The following PRKCA variants were observed in gnomAD, a reference collection of about 807,000 sequenced individuals.
PRKCA encodes the protein protein kinase C alpha, also known as protein kinase C alpha type.
A neutral mutation model predicts 87.0 loss-of-function variants in PRKCA; 27 were observed. The observed-to-expected ratio is 0.31, with a 90% confidence interval of 0.23 to 0.43. The LOEUF (loss-of-function observed/expected upper bound fraction) is 0.43. Among genes scored for constraint, PRKCA ranks in the 20% least tolerant of loss-of-function variants. The pLI, the probability that PRKCA is intolerant of heterozygous loss-of-function variation, is 1.00. For synonymous variants in PRKCA, 329 were observed against 311.1 expected (o/e 1.06, Z -0.61); for missense variants, 518 against 852.3 (o/e 0.61, Z 4.88).
intron 3 of PRKCA, among the ~76,000 whole-genome samples, chr17:66,505,120 G>A (rs1158736996): frequency 6.6e-6 from 1 of 152,188 alleles, no homozygotes; most frequent in Admixed American, 6.5e-5. Context: ...TCTTCAGTGG[G>A]TGGATTATTT....
At chr17:66,503,513 T>C in intron 3 of PRKCA, among the ~76,000 whole-genome samples, 1 of 152,152 alleles carries the variant, frequency 6.6e-6, no homozygotes, top group Non-Finnish European at 1.5e-5. Flanking sequence ...ATAAAACTGA[T>C]CTATTTGAAG....
chr17:66,304,313 G>A (rs1468799329), intron 1 of PRKCA, among the ~76,000 whole-genome samples: 1 of 152,142 alleles, frequency 6.6e-6, no homozygotes, highest in African/African-American at 2.4e-5. Context: ...CCAGATCCCC[G>A]TCACCACACA....
chr17:66,441,194 T>C (rs1913733057), intron 2 of PRKCA, among the ~76,000 whole-genome samples: 1 of 135,306 alleles, frequency 7.4e-6, no homozygotes, highest in Non-Finnish European at 1.6e-5. Context: ...AAAAAGTAAA[T>C]TAGCTAGGCA....
chr17:66,490,943 G>A (rs1348630332), intron 2 of PRKCA, among the ~76,000 whole-genome samples: 2 of 152,136 alleles, frequency 1.3e-5, no homozygotes, highest in Non-Finnish European at 2.9e-5. Context: ...ATATACTTTC[G>A]ACAAGTGGTG....
intron 2 of PRKCA, among the ~76,000 whole-genome samples, chr17:66,374,719 C>CTTTTTTTTTTTTTTTTTTT (rs35431248): frequency 8.6e-6 from 1 of 115,826 alleles, no homozygotes. Flanking sequence ...GAGTTGCATT[C>CTTTTTTTTTTTTTTTTTTT]TTTTTTTTTT....
chr17:66,723,764 CA>C (rs376396348), intron 8 of PRKCA, among the ~76,000 whole-genome samples: 1 of 152,254 alleles, frequency 6.6e-6, no homozygotes, highest in African/African-American at 2.4e-5. Context: ...CAGCATAGTC[CA>C]GGGACACAGT....
intron 2 of PRKCA, among the ~76,000 whole-genome samples, chr17:66,409,969 C>T (rs959786692): frequency 2.6e-5 from 4 of 152,156 alleles, no homozygotes; most frequent in African/African-American, 4.8e-5. Context: ...GTTAGTAGAT[C>T]GTGCTGGTCT....
At chr17:66,607,731 G>A (rs148116135) in intron 3 of PRKCA, among the ~76,000 whole-genome samples, 3 of 152,244 alleles carry the variant, frequency 2.0e-5, no homozygotes, top group African/African-American at 7.2e-5. Flanking sequence ...GGTAGAGTGT[G>A]GGGGGCCGGG....
chr17:66,592,547 A>G (rs1008999797), intron 3 of PRKCA, among the ~76,000 whole-genome samples: 14 of 152,174 alleles, frequency 9.2e-5, no homozygotes, highest in Non-Finnish European at 1.5e-4. Flanking sequence ...CCAAGGAATC[A>G]CAGACTTCAT....
intron 2 of PRKCA, among the ~76,000 whole-genome samples, chr17:66,366,569 A>G (rs1450929264): frequency 6.6e-6 from 1 of 152,012 alleles, no homozygotes. Context: ...TAGTTGTAGA[A>G]AATTTGTCAA....
At chr17:66,372,397 A>G (rs544978508) in intron 2 of PRKCA, among the ~76,000 whole-genome samples, 76 of 152,214 alleles carry the variant, frequency 5.0e-4, no homozygotes, top group African/African-American at 1.6e-3. Flanking sequence ...TTTTGATTTC[A>G]TAGGTAATTG....
At chr17:66,776,700 G>A (rs571791678) in intron 14 of PRKCA, among the ~76,000 whole-genome samples, 90 of 152,292 alleles carry the variant, frequency 5.9e-4, no homozygotes, top group African/African-American at 1.5e-3. Context: ...GGGCCAAGCC[G>A]GCGACTTGAG....
chr17:66,496,321 G>T, intron 3 of PRKCA, 38 bp downstream of exon 3: 1 of 1,553,184 alleles, frequency 6.4e-7, no homozygotes. Context: ...TGTCAATGTG[G>T]ATTTCTGAGC....
rs1014167526 is a variant in PRKCA, at chr17:66,689,895, G to A, written c.918+848G>A. Among the ~76,000 whole-genome samples the A allele has an allele frequency of 2.6e-5, 4 of 152,206 alleles. No homozygotes were observed. Among genetic ancestry groups the A allele is most frequent in the Admixed American group, 2.6e-4 (4 of 15,284 alleles). On this transcript the variant is annotated intron_variant, in intron 8 of 16. Transcript: ENST00000413366. The surrounding 1 kb of genome is among the most constrained non-coding windows in gnomAD (Gnocchi z 4.1). Reference sequence around the variant, plus strand: ...GTGAATCTTTCTCTTCTTCAGACTTGTTAGAATTCCCTGGAATTTCCCCGC... The same window carrying A: ...GTGAATCTTTCTCTTCTTCAGACTTATTAGAATTCCCTGGAATTTCCCCGC...
chr17:66,580,106 G>A (rs943478546), intron 3 of PRKCA, among the ~76,000 whole-genome samples: 51 of 152,304 alleles, frequency 3.3e-4, no homozygotes, highest in African/African-American at 9.9e-4. Context: ...AAGCTAAGAA[G>A]CAAGATGTTT....
intron 5 of PRKCA, among the ~76,000 whole-genome samples, chr17:66,680,352 G>T (rs1030893052): frequency 6.6e-6 from 1 of 152,158 alleles, no homozygotes; most frequent in East Asian, 1.9e-4. Context: ...GAGGTGTCAC[G>T]GGGTCAGCAC....
chr17:66,782,963 G>C (rs1183781562), intron 14 of PRKCA, among the ~76,000 whole-genome samples: 2 of 152,238 alleles, frequency 1.3e-5, no homozygotes, highest in East Asian at 3.8e-4. Flanking sequence ...CATGCAGAGA[G>C]AGGCTGAGAA....
chr17:66,370,127 C>G (rs190467812), intron 2 of PRKCA, among the ~76,000 whole-genome samples: 3 of 152,086 alleles, frequency 2.0e-5, no homozygotes, highest in African/African-American at 7.2e-5. Flanking sequence ...TTGATGGAAG[C>G]CTTCCTGACG....
intron 2 of PRKCA, among the ~76,000 whole-genome samples, chr17:66,349,949 T>G (rs1338341649): frequency 6.6e-6 from 1 of 150,458 alleles, no homozygotes; most frequent in Non-Finnish European, 1.5e-5. Context: ...ATCAGGTTAT[T>G]TAGTTACAGA....
Sources: gnomAD v4.1 joint callset for allele counts (sites outside exome capture counted in the v4.1 genomes callset) on GRCh38, gnomAD v4.1.1 for gene constraint, Gnocchi (gnomAD v3.1) non-coding constraint, MANE v1.5 for transcripts, NCBI Gene and HGNC (gene_info 2026-07-23, HGNC 2026-07-21) for gene names.